TMTC2: variants seen among roughly 807,000 people sequenced by gnomAD.
TMTC2 encodes the protein protein O-mannosyl-transferase TMTC2.
A neutral mutation model predicts 82.4 loss-of-function variants in TMTC2; 43 were observed. The observed-to-expected ratio is 0.52, with a 90% confidence interval of 0.41 to 0.67. The LOEUF is 0.67. Ranked by LOEUF, TMTC2 falls within the 30% of genes least tolerant of loss-of-function variation. The probability of loss-of-function intolerance (pLI) is 0.00; values close to 1 mark genes in which losing one functional copy is unlikely to be tolerated. For missense variants in TMTC2, 919 were observed against 1,012.4 expected, an observed-to-expected ratio of 0.91 and a Z score of 1.25; for synonymous variants, 408 against 381.9, an observed-to-expected ratio of 1.07 and a Z score of -0.80.
intron 9 of TMTC2, among the ~76,000 whole-genome samples, chr12:83,041,290 G>A (rs1463012920): frequency 6.6e-6 from 1 of 152,152 alleles, no homozygotes; most frequent in African/African-American, 2.4e-5. Flanking sequence ...ACAGTGACAT[G>A]GATTTGGAAC....
intron 3 of TMTC2, among the ~76,000 whole-genome samples, chr12:82,919,664 C>T (rs112296144): frequency 6.6e-6 from 1 of 152,140 alleles, no homozygotes; most frequent in Non-Finnish European, 1.5e-5. Flanking sequence ...TAGGCATTCT[C>T]GTTCTAAAAG....
intron 1 of TMTC2, among the ~76,000 whole-genome samples, chr12:82,780,594 A>G (rs776804991): frequency 1.3e-5 from 2 of 152,148 alleles, no homozygotes; most frequent in African/African-American, 4.8e-5. Flanking sequence ...TTTGCTTCTT[A>G]TGTCAAATGA....
Position 83,061,770 on chromosome 12 carries a change from A to C in TMTC2, c.2270A>C (p.Gln757Pro). 6.3e-7 allele frequency: 1 copy of C among 1,588,920 alleles called. No homozygotes were observed. Among genetic ancestry groups the C allele is most frequent in the East Asian group, 2.3e-5 (1 of 44,054 alleles). Residue 757 changes from glutamine to proline, a missense_variant and splice_region_variant, in exon 11 of 12, where the codon CAG becomes CCG. By Grantham distance (76) the Gln-to-Pro change is moderately conservative (BLOSUM62 -1). Coordinates refer to ENST00000321196, the MANE Select transcript of TMTC2 (RefSeq NM_152588.3). ...VVFNAAHMLR[Q>P]ASLNEAAEKY... The stretch of plus-strand genomic sequence containing the variant: ...TTATTTTATTTTTTCTTTTACAGAC[A>C]GGCTAGCCTCAATGAAGCAGCTGAG...
At chr12:82,807,998 T>C (rs904548106) in intron 1 of TMTC2, among the ~76,000 whole-genome samples, 1 of 152,014 alleles carries the variant, frequency 6.6e-6, no homozygotes, top group African/African-American at 2.4e-5. Context: ...GACTGTTTAA[T>C]AATGATTTGG....
At position 83,028,464 on chromosome 12, in the gene TMTC2, G is replaced by C. The variant is rs139812240; in HGVS notation, c.2071-2334G>C. Reference sequence around the variant, plus strand: ...ATTATGATCAACTTACTCTGGTGTCGTAGATTTGTTACAGTTGATGAGTCT... The same window carrying C: ...ATTATGATCAACTTACTCTGGTGTCCTAGATTTGTTACAGTTGATGAGTCT... On this transcript the variant is annotated intron_variant, in intron 8 of 11. Transcript: ENST00000321196. 8.4e-4 allele frequency among the ~76,000 whole-genome samples: 128 copies of C among 152,234 alleles called. 1 individual carries two copies. In the East Asian group the frequency reaches 0.023, roughly 27 times the overall value.
intron 1 of TMTC2, among the ~76,000 whole-genome samples, chr12:82,716,519 A>G (rs1873909338): frequency 6.6e-6 from 1 of 151,946 alleles, no homozygotes; most frequent in South Asian, 2.1e-4. Context: ...GCGCGCCACC[A>G]TGCCCGGCTA....
chr12:82,958,480 G>A (rs1422865726), intron 4 of TMTC2, among the ~76,000 whole-genome samples: 3 of 151,642 alleles, frequency 2.0e-5, no homozygotes, highest in East Asian at 1.9e-4. Flanking sequence ...AAGGTAAGTC[G>A]CCATGATCAA....
In TMTC2 at chr12:83,116,573, C is replaced by T. The variant is rs536894002; in HGVS notation, c.2332-15637C>T. Among the ~76,000 whole-genome samples the T allele has an allele frequency of 5.3e-5, 8 of 152,246 alleles. No homozygotes were observed. In the South Asian group the frequency reaches 1.7e-3, roughly 32 times the overall value. On this transcript the variant is annotated intron_variant, in intron 11 of 11. Transcript: ENST00000321196. ...TCACCAGCAGTGTAGAAGTGTTCCC[C>T]ATTCATCACATCCATGCCAACATCT...
intron 4 of TMTC2, among the ~76,000 whole-genome samples, chr12:82,933,012 G>A (rs10778916): frequency 0.29 from 44,578 of 152,040 alleles, 6,773 homozygotes; most frequent in East Asian, 0.41. Flanking sequence ...AATTCCTAGC[G>A]AAAAATCTGT....
intron 8 of TMTC2, among the ~76,000 whole-genome samples, chr12:83,000,505 G>GCAAGGAACCC (rs1879870707): frequency 6.6e-6 from 1 of 152,212 alleles, no homozygotes; most frequent in Non-Finnish European, 1.5e-5. Context: ...TCATGCTGAT[G>GCAAGGAACCC]CAAGATGTGG....
intron 11 of TMTC2, among the ~76,000 whole-genome samples, chr12:83,073,935 C>A (rs1030150945): frequency 6.6e-6 from 1 of 152,072 alleles, no homozygotes; most frequent in African/African-American, 2.4e-5. Flanking sequence ...TCTGGTGCCT[C>A]CCTGATTGGC....
At chr12:83,118,621 T>C (rs1306119321) in intron 11 of TMTC2, among the ~76,000 whole-genome samples, 1 of 152,198 alleles carries the variant, frequency 6.6e-6, no homozygotes, top group African/African-American at 2.4e-5. Context: ...GGGATATCAG[T>C]CTGTAGTTTT....
In TMTC2 at chr12:82,997,221, C is replaced by CTCTCTCTCTCTCTCTCTCTCTATA. The variant is rs1451262969; in HGVS notation, c.2070+11176_2070+11177insCTCTCTCTCTCTCTCTCTCTATAT. ...TCCCCCTCTCCCTCTCTCTCTCTCT[C>CTCTCTCTCTCTCTCTCTCTCTATA]TATATATATATATAGTTATGTATAG... is the stretch of plus-strand genomic sequence containing the variant. On this transcript the variant is annotated intron_variant, in intron 8 of 11. Transcript: ENST00000321196. 5.0e-4 allele frequency among the ~76,000 whole-genome samples: 59 copies of CTCTCTCTCTCTCTCTCTCTCTATA among 118,540 alleles called. 1 individual carries two copies. The highest frequency in any genetic ancestry group is 2.1e-3 in the African/African-American group (56 of 27,260). The allele number at this position is 118,540 out of a possible 152,430, so 77.8% of individuals were successfully genotyped here.
intron 1 of TMTC2, among the ~76,000 whole-genome samples, chr12:82,806,245 C>G (rs1345318365): frequency 6.6e-6 from 1 of 152,010 alleles, no homozygotes; most frequent in Non-Finnish European, 1.5e-5. Flanking sequence ...CCAACTCTGA[C>G]AGCATTTTTT....
chr12:82,914,170 G>C (rs150833409), intron 3 of TMTC2, among the ~76,000 whole-genome samples: 1 of 152,076 alleles, frequency 6.6e-6, no homozygotes, highest in Non-Finnish European at 1.5e-5. Context: ...AAAATGATAC[G>C]TGCCCAAGAT....
At chr12:83,051,757 C>A (rs949912056) in intron 10 of TMTC2, among the ~76,000 whole-genome samples, 5 of 151,992 alleles carry the variant, frequency 3.3e-5, no homozygotes, top group Non-Finnish European at 7.4e-5. Context: ...TGAAACAATA[C>A]ATTTTTTTTA....
intron 2 of TMTC2, among the ~76,000 whole-genome samples, chr12:82,885,707 A>G (rs1873064382): frequency 6.6e-6 from 1 of 152,126 alleles, no homozygotes; most frequent in African/African-American, 2.4e-5. Flanking sequence ...CATACATGTA[A>G]AATAACATTT....
intron 1 of TMTC2, among the ~76,000 whole-genome samples, chr12:82,711,187 G>A (rs985745986): frequency 6.6e-6 from 1 of 152,214 alleles, no homozygotes; most frequent in Non-Finnish European, 1.5e-5. Context: ...AACTTGAGGA[G>A]TTTGGCTAAG....
intron 8 of TMTC2, among the ~76,000 whole-genome samples, chr12:83,024,955 G>A (rs1266841497): frequency 1.3e-5 from 2 of 152,214 alleles, no homozygotes; most frequent in African/African-American, 4.8e-5. Context: ...ACTTTGGGAG[G>A]CCACGGCAGC....
Sources: allele counts gnomAD v4.1 joint callset (sites outside exome capture counted in the v4.1 genomes callset), GRCh38; gene constraint gnomAD v4.1.1; transcripts MANE v1.5; gene names NCBI Gene and HGNC (gene_info 2026-07-23, HGNC 2026-07-21).